The following SCAI variants were observed in gnomAD, a reference collection of about 807,000 sequenced individuals.
SCAI encodes the protein suppressor of cancer cell invasion, also known as protein SCAI.
A neutral mutation model predicts 92.2 loss-of-function variants in SCAI; 24 were observed. The ratio of observed to expected loss-of-function variants is 0.26; its 90% confidence interval spans 0.19 to 0.37. The LOEUF is 0.37. SCAI is among the 10% of genes least tolerant of loss of function. The pLI is 1.00. For synonymous variants in SCAI, 261 were observed against 258.6 expected, an observed-to-expected ratio of 1.01 and a Z score of -0.09; for missense variants, 450 against 736.2, an observed-to-expected ratio of 0.61 and a Z score of 4.50.
Position 125,140,256 on chromosome 9 carries a change from G to A in SCAI, c.98+2377C>T, listed in dbSNP as rs183424488. On this transcript the variant is annotated intron_variant, in intron 2 of 17. Coordinates refer to ENST00000336505, the MANE Select transcript of SCAI (RefSeq NM_001144877.3). ...AAAGAAGTAAGTGAAGGCCAGGCCC[G>A]GTGGCTCACACCTGTAATCCCAGCA... is the stretch of plus-strand genomic sequence containing the variant. Among the ~76,000 whole-genome samples, 147 of 152,160 alleles carry A rather than the reference G, an allele frequency of 9.7e-4. 1 individual carries two copies. Among genetic ancestry groups the A allele is most frequent in the Middle Eastern group, 3.4e-3 (1 of 294 alleles).
rs138262504 is a variant in SCAI, at chr9:125,038,292, C to A, written c.231-8553G>T. On this transcript the variant is annotated intron_variant, in intron 3 of 17. Transcript: ENST00000336505. ...ATGAAACTGTTTCCTTTTAAAGCAT[C>A]ATTGAGAAAGCCACAAAACAAGGCC... is the stretch of plus-strand genomic sequence containing the variant. Among the ~76,000 whole-genome samples, 56 of 152,276 alleles carry A rather than the reference C, an allele frequency of 3.7e-4. 2 individuals carry two copies. In the East Asian group the frequency reaches 0.011, roughly 29 times the overall value.
intron 15 of SCAI, chr9:124,975,246 C>T (rs1588126477): frequency 2.3e-6 from 1 of 443,640 alleles, no homozygotes; most frequent in South Asian, 1.6e-5. Context: ...GCAGAACTTA[C>T]CTTAAAACAA....
At chr9:124,967,598 T>C (rs1450046029) in intron 17 of SCAI, among the ~76,000 whole-genome samples, 1 of 152,026 alleles carries the variant, frequency 6.6e-6, no homozygotes, top group Non-Finnish European at 1.5e-5. Flanking sequence ...TCATTGGAAG[T>C]TTTTTGCATT....
chr9:125,061,427 T>C (rs1408854339), intron 2 of SCAI, among the ~76,000 whole-genome samples: 2 of 152,132 alleles, frequency 1.3e-5, no homozygotes, highest in East Asian at 1.9e-4. Context: ...ATTATGGTAA[T>C]AGTTTTGGAC....
intron 13 of SCAI, among the ~76,000 whole-genome samples, chr9:124,997,950 T>C (rs536430809): frequency 6.6e-6 from 1 of 152,124 alleles, no homozygotes; most frequent in Admixed American, 6.6e-5. Flanking sequence ...TGCTTTTGTA[T>C]TTTTTGCATT....
At chr9:124,994,880 C>G in intron 14 of SCAI, 54 bp downstream of exon 14, 1 of 1,170,918 alleles carries the variant, frequency 8.5e-7, no homozygotes, top group Non-Finnish European at 1.3e-6. Context: ...AGAGTGGGTA[C>G]CCTTGGGTTG....
intron 3 of SCAI, among the ~76,000 whole-genome samples, chr9:125,034,712 T>C (rs1366580507): frequency 6.6e-6 from 1 of 151,910 alleles, no homozygotes; most frequent in Non-Finnish European, 1.5e-5. Context: ...CATGCCACTG[T>C]ACTCTAGCAT....
At chr9:125,034,215 T>C (rs1833142591) in intron 3 of SCAI, among the ~76,000 whole-genome samples, 1 of 152,172 alleles carries the variant, frequency 6.6e-6, no homozygotes, top group African/African-American at 2.4e-5. Flanking sequence ...TGCTGACCCT[T>C]TCCATTGGTG....
intron 3 of SCAI, among the ~76,000 whole-genome samples, chr9:125,049,448 T>C (rs13284331): frequency 0.23 from 34,564 of 152,228 alleles, 4,879 homozygotes; most frequent in Non-Finnish European, 0.31. Flanking sequence ...GGGCTTTTGA[T>C]CATTTTCTGA....
At position 125,056,539 on chromosome 9, in the gene SCAI, G is replaced by A. The variant is rs527417330; in HGVS notation, c.99-532C>T. On this transcript the variant is annotated intron_variant, in intron 2 of 17. Transcript: ENST00000336505. ...ATGGATGAAAATTGGAACCATATTA[G>A]AAAGCAATTTTTATAATATCCTTTC... 1.2e-3 allele frequency among the ~76,000 whole-genome samples: 189 copies of A among 152,212 alleles called. No homozygotes were observed. In the Middle Eastern group the frequency reaches 0.021, roughly 17 times the overall value.
At chr9:125,068,427 G>A (rs1051141814) in intron 2 of SCAI, among the ~76,000 whole-genome samples, 2 of 152,128 alleles carry the variant, frequency 1.3e-5, no homozygotes, top group Non-Finnish European at 2.9e-5. Flanking sequence ...CTGAGCCCAG[G>A]AGTTTGAGGT....
rs748836284 is a variant in SCAI at position 124,976,234 on chromosome 9, ATAGT to A, written c.1327-52_1327-49del. ...ACTTGCATTAAAGATTTGACCAAAG[ATAGT>A]TACTTAGTAATTTTCCAAAGCATAT... On this transcript the variant is annotated intron_variant, in intron 14 of 17. Coordinates refer to ENST00000336505, the MANE Select transcript of SCAI (RefSeq NM_001144877.3). The A allele has an allele frequency of 3.9e-6, 5 of 1,283,450 alleles. No individual in the cohort carries two copies. The South Asian group carries it at 4.7e-5, about 12-fold the overall frequency. 79.5% of individuals were successfully genotyped at this position (1,283,450 alleles called of 1,614,324 possible).
intron 2 of SCAI, among the ~76,000 whole-genome samples, chr9:125,089,023 C>T (rs909797847): frequency 6.6e-6 from 1 of 152,144 alleles, no homozygotes; most frequent in African/African-American, 2.4e-5. Flanking sequence ...GGAGGCAGAT[C>T]GCCCCAGCTA....
intron 14 of SCAI, among the ~76,000 whole-genome samples, chr9:124,994,581 T>C (rs1356842322): frequency 1.3e-5 from 2 of 152,176 alleles, no homozygotes; most frequent in African/African-American, 4.8e-5. Flanking sequence ...GGGGAAACGT[T>C]TGAACACTAG....
At chr9:125,124,446 A>G (rs1439622017) in intron 2 of SCAI, among the ~76,000 whole-genome samples, 2 of 152,208 alleles carry the variant, frequency 1.3e-5, no homozygotes, top group Non-Finnish European at 2.9e-5. Context: ...AAGGGAATCA[A>G]TGGCGCAAGT....
chr9:125,045,236 T>C (rs1333424120), intron 3 of SCAI, among the ~76,000 whole-genome samples: 1 of 152,188 alleles, frequency 6.6e-6, no homozygotes, highest in Non-Finnish European at 1.5e-5. Context: ...TGGCTAATTT[T>C]TGTGTTTTTA....
chr9:125,099,767 CT>C (rs1834640778), intron 2 of SCAI, among the ~76,000 whole-genome samples: 1 of 152,144 alleles, frequency 6.6e-6, no homozygotes, highest in Admixed American at 6.6e-5. Flanking sequence ...ACTCTAAGTA[CT>C]TTGTATAAGT....
chr9:124,994,997 G>A lies in SCAI; in HGVS notation c.1263C>T (p.Leu421=). The change falls in exon 14 of 18, where the codon CTC becomes CTT. Residue 421 remains leucine, a synonymous_variant. Coordinates refer to ENST00000336505, the MANE Select transcript of SCAI (RefSeq NM_001144877.3). ...ACAGTGGCTTCCTGGTGAAAGGATA[G>A]AGATCCCCGGGATGAAGGCTGGGAA... ...KEMHCLHPGD[L]YPFTRKPLFI... is the part of the protein sequence containing the mutation. The A allele has an allele frequency of 6.2e-7, 1 of 1,611,712 alleles. No homozygotes were observed. Among genetic ancestry groups the A allele is most frequent in the Non-Finnish European group, 8.5e-7 (1 of 1,179,024 alleles).
intron 2 of SCAI, among the ~76,000 whole-genome samples, chr9:125,078,359 T>C (rs941879262): frequency 2.0e-5 from 3 of 151,224 alleles, no homozygotes; most frequent in Admixed American, 2.0e-4. Flanking sequence ...AAACCACATC[T>C]CTACCAAAAA....
Sources: allele counts gnomAD v4.1 joint callset (sites outside exome capture counted in the v4.1 genomes callset), GRCh38; gene constraint gnomAD v4.1.1; transcripts MANE v1.5; gene names NCBI Gene and HGNC (gene_info 2026-07-23, HGNC 2026-07-21).